The following RASAL2 variants were observed in gnomAD, a reference collection of about 807,000 sequenced individuals.
The protein encoded by RASAL2 is RAS protein activator like 2.
A neutral mutation model predicts 128.9 loss-of-function variants in RASAL2; 58 were observed. The observed-to-expected ratio is 0.45, with a 90% CI of 0.36 to 0.56. RASAL2 has a LOEUF of 0.56. Among genes scored for constraint, RASAL2 ranks in the 20% least tolerant of loss-of-function variants. The pLI, the probability that RASAL2 is intolerant of heterozygous loss-of-function variation, is 0.00. For missense variants in RASAL2, 1,360 were observed against 1,601.6 expected (o/e 0.85, Z 2.57); for synonymous variants, 561 against 580.8 (o/e 0.97, Z 0.49).
intron 15 of RASAL2, among the ~76,000 whole-genome samples, chr1:178,465,281 G>T (rs1647558998): frequency 1.3e-5 from 2 of 152,164 alleles, no homozygotes; most frequent in Non-Finnish European, 2.9e-5. Context: ...CTTGTGACTG[G>T]AATACTTTAC....
At chr1:178,234,288 A>G (rs1188581699) in intron 1 of RASAL2, among the ~76,000 whole-genome samples, 1 of 152,172 alleles carries the variant, frequency 6.6e-6, no homozygotes, top group Non-Finnish European at 1.5e-5. Flanking sequence ...CTCTTCATAA[A>G]CATTATTTTT....
chr1:178,358,843 C>T (rs1307279655), intron 3 of RASAL2, among the ~76,000 whole-genome samples: 1 of 152,132 alleles, frequency 6.6e-6, no homozygotes, highest in Non-Finnish European at 1.5e-5. Flanking sequence ...CACAGCAGCA[C>T]TGACACCAAT....
At chr1:178,431,925 C>T (rs959908412) in intron 5 of RASAL2, among the ~76,000 whole-genome samples, 2 of 148,722 alleles carry the variant, frequency 1.3e-5, no homozygotes, top group African/African-American at 4.9e-5. Flanking sequence ...ATGTAATATG[C>T]TATATATTAC....
intron 5 of RASAL2, among the ~76,000 whole-genome samples, chr1:178,432,549 C>G (rs1157778735): frequency 1.3e-5 from 2 of 151,988 alleles, no homozygotes; most frequent in African/African-American, 4.8e-5. Context: ...TCACATCTAC[C>G]CCGACAGGAA....
chr1:178,174,525 A>G (rs1210533218), intron 1 of RASAL2, among the ~76,000 whole-genome samples: 1 of 152,172 alleles, frequency 6.6e-6, no homozygotes, highest in Non-Finnish European at 1.5e-5. Context: ...CCTGTGGAAG[A>G]AGAAGAGTTA....
intron 12 of RASAL2, 82 bp from the exon 13 acceptor site, chr1:178,456,639 T>C: frequency 2.8e-6 from 4 of 1,448,368 alleles, no homozygotes; most frequent in South Asian, 1.1e-5. Flanking sequence ...CCTCCATCAA[T>C]GGCCATCGTT....
At chr1:178,132,609 C>G (rs1379666485) in intron 1 of RASAL2, among the ~76,000 whole-genome samples, 2 of 151,956 alleles carry the variant, frequency 1.3e-5, no homozygotes, top group South Asian at 2.1e-4. Context: ...TGAATGACAC[C>G]TTTTTAAAGT....
At chr1:178,126,625 A>C (rs945816952) in intron 1 of RASAL2, among the ~76,000 whole-genome samples, 1 of 152,232 alleles carries the variant, frequency 6.6e-6, no homozygotes, top group Non-Finnish European at 1.5e-5. Flanking sequence ...ATCTATTTAA[A>C]TAAAAATGTG....
At chr1:178,425,977 G>A (rs1211863308) in intron 5 of RASAL2, among the ~76,000 whole-genome samples, 1 of 152,070 alleles carries the variant, frequency 6.6e-6, no homozygotes. Context: ...CACCTACTCT[G>A]GAAAGGTTCA....
chr1:178,319,121 C>T (rs1436169610), intron 3 of RASAL2, among the ~76,000 whole-genome samples: 1 of 151,970 alleles, frequency 6.6e-6, no homozygotes, highest in Non-Finnish European at 1.5e-5. Context: ...GAATATTGGC[C>T]CCCACACTCT....
At chr1:178,269,312 C>T (rs1213346958) in intron 1 of RASAL2, among the ~76,000 whole-genome samples, 1 of 152,224 alleles carries the variant, frequency 6.6e-6, no homozygotes, top group African/African-American at 2.4e-5. Flanking sequence ...GTTTAACTCA[C>T]ACCGTCTATA....
At chr1:178,404,213 G>T in intron 4 of RASAL2, among the ~76,000 whole-genome samples, 1 of 137,960 alleles carries the variant, frequency 7.2e-6, no homozygotes, top group Non-Finnish European at 1.5e-5. Context: ...GCTACAGTGC[G>T]AGACCCCGTC....
chr1:178,205,166 A>AG (rs1283395468), intron 1 of RASAL2, among the ~76,000 whole-genome samples: 1 of 152,070 alleles, frequency 6.6e-6, no homozygotes, highest in African/African-American at 2.4e-5. Context: ...TTCCATGCCC[A>AG]GCTAATTTTT....
At chr1:178,351,722 C>CT (rs551487018) in intron 3 of RASAL2, among the ~76,000 whole-genome samples, 20 of 136,266 alleles carry the variant, frequency 1.5e-4, no homozygotes, top group African/African-American at 5.2e-4. Flanking sequence ...GAGCGAGACT[C>CT]TATCTCAAGG....
At position 178,477,335 on chromosome 1, in the gene RASAL2, TG is replaced by T. The variant is rs1648743826; in HGVS notation, c.*4097del. ...GATTTAGTTTCTTAAAAGCAAGAAA[TG>T]TTGGAGTGTTGAATTTTTAAATAGA... On this transcript the variant is annotated 3_prime_UTR_variant, in exon 18 of 18. Coordinates refer to ENST00000367649, the MANE Select transcript of RASAL2 (RefSeq NM_170692.4). 1 of 152,208 alleles carries T rather than the reference TG, an allele frequency of 6.6e-6. No homozygotes were observed. Among genetic ancestry groups the T allele is most frequent in the Non-Finnish European group, 1.5e-5 (1 of 68,044 alleles). The allele number at this position is 152,208 out of a possible 1,614,324, so 9.4% of individuals were successfully genotyped here.
At chr1:178,190,295 C>CA (rs1445222162) in intron 1 of RASAL2, among the ~76,000 whole-genome samples, 2 of 145,030 alleles carry the variant, frequency 1.4e-5, no homozygotes, top group African/African-American at 5.7e-5. Flanking sequence ...AAAATAGGCA[C>CA]AAGAGAACTG....
At chr1:178,271,524 T>G in intron 1 of RASAL2, among the ~76,000 whole-genome samples, 1 of 151,540 alleles carries the variant, frequency 6.6e-6, no homozygotes, top group Admixed American at 6.6e-5. Context: ...GCAATTCCAG[T>G]TTTTTTTTGT....
At chr1:178,360,245 C>T (rs1671037345) in intron 3 of RASAL2, among the ~76,000 whole-genome samples, 1 of 152,164 alleles carries the variant, frequency 6.6e-6, no homozygotes, top group Non-Finnish European at 1.5e-5. Context: ...CAACTTCTAA[C>T]CCTTCTGGCA....
At chr1:178,410,588 C>T (rs1006305313) in intron 4 of RASAL2, among the ~76,000 whole-genome samples, 2 of 151,976 alleles carry the variant, frequency 1.3e-5, no homozygotes, top group Admixed American at 1.3e-4. Context: ...ACAGACAACC[C>T]ACAGGGTGGG....
Sources: gnomAD v4.1 joint callset for allele counts (sites outside exome capture counted in the v4.1 genomes callset) on GRCh38, gnomAD v4.1.1 for gene constraint, MANE v1.5 for transcripts, NCBI Gene and HGNC (gene_info 2026-07-23, HGNC 2026-07-21) for gene names.